The following MSI2 variants were observed in gnomAD, a reference collection of about 807,000 sequenced individuals.
MSI2 encodes the protein musashi RNA binding protein 2, also known as RNA-binding protein Musashi homolog 2.
MSI2 carries 17 observed loss-of-function variants against 45.6 expected under a neutral mutation model. The ratio of observed to expected loss-of-function variants is 0.37; its 90% CI spans 0.26 to 0.56. MSI2 has a LOEUF of 0.56. MSI2 is among the 20% of genes least tolerant of loss of function. The pLI is 0.77. For missense variants in MSI2, 293 were observed against 444.2 expected, an observed-to-expected ratio of 0.66 and a Z score of 3.06; for synonymous variants, 156 against 158.2, an observed-to-expected ratio of 0.99 and a Z score of 0.11.
chr17:57,366,003 C>G (rs1917161304), intron 5 of MSI2, among the ~76,000 whole-genome samples: 1 of 152,114 alleles, frequency 6.6e-6, no homozygotes. Context: ...ACTTCTGCCT[C>G]CCCCGGATCA....
rs553191710 is a variant in MSI2, at chr17:57,287,488, A to G, written c.312+25296A>G. Among the ~76,000 whole-genome samples, 720 of 152,296 alleles carry G rather than the reference A, an allele frequency of 4.7e-3. 4 individuals are homozygous for G. The highest frequency in any genetic ancestry group is 0.017 in the African/African-American group (690 of 41,562). On this transcript the variant is annotated intron_variant, in intron 5 of 13. Transcript: ENST00000284073. ...GGCTTACCATCCTAACTTGTTGCTC[A>G]GTCGCGGAGTCTTGCATGTTGACTC... is the stretch of plus-strand genomic sequence containing the variant.
At chr17:57,454,982 G>A (rs762025716) in intron 6 of MSI2, among the ~76,000 whole-genome samples, 1 of 152,164 alleles carries the variant, frequency 6.6e-6, no homozygotes, top group East Asian at 1.9e-4. Flanking sequence ...GACCTGGCTG[G>A]AACCCTATTC....
chr17:57,645,461 A>C (rs1910586691), intron 10 of MSI2, among the ~76,000 whole-genome samples: 1 of 150,932 alleles, frequency 6.6e-6, no homozygotes, highest in Non-Finnish European at 1.5e-5. Context: ...TTTGAGACAG[A>C]ATCTGGCTCT....
chr17:57,396,644 A>G (rs2083895974), intron 5 of MSI2, among the ~76,000 whole-genome samples: 1 of 152,190 alleles, frequency 6.6e-6, no homozygotes, highest in Non-Finnish European at 1.5e-5. Context: ...CAATTTTCCA[A>G]ACGGGAATGG....
At chr17:57,570,036 T>A (rs1327745602) in intron 7 of MSI2, among the ~76,000 whole-genome samples, 2 of 151,928 alleles carry the variant, frequency 1.3e-5, no homozygotes, top group Non-Finnish European at 2.9e-5. Flanking sequence ...CAAAGCAAAC[T>A]GAAAGGAAAT....
chr17:57,414,427 T>A (rs1038522039), intron 6 of MSI2, among the ~76,000 whole-genome samples: 9 of 152,020 alleles, frequency 5.9e-5, no homozygotes, highest in African/African-American at 2.2e-4. Context: ...TTCACTCTTG[T>A]TGCCCAAGCT....
intron 11 of MSI2, among the ~76,000 whole-genome samples, chr17:57,653,936 ATT>A (rs35452889): frequency 7.5e-6 from 1 of 133,720 alleles, no homozygotes. Context: ...CCAGTCACAC[ATT>A]TTTTTTTTTT....
chr17:57,627,453 C>G lies in MSI2; in HGVS notation c.727+150C>G. The G allele has an allele frequency of 1.4e-6, 1 of 722,248 alleles. No homozygotes were observed. Among genetic ancestry groups the G allele is most frequent in the East Asian group, 2.6e-5 (1 of 38,440 alleles). 44.7% of individuals were successfully genotyped at this position (722,248 alleles called of 1,614,324 possible). A position where few individuals can be genotyped will look rare whatever the true frequency, so the allele number is the denominator to read the frequency against. On this transcript the variant is annotated intron_variant, in intron 10 of 13. Coordinates refer to ENST00000284073, the MANE Select transcript of MSI2 (RefSeq NM_138962.4). The surrounding 1 kb of genome is among the most constrained non-coding windows in gnomAD (Gnocchi z 4.6). ...GATAAATTTCAAATCCACTGAAGTT[C>G]AAGGCCAGGATGCAGCTCAGAGTTT...
intron 8 of MSI2, among the ~76,000 whole-genome samples, chr17:57,604,874 A>AC (rs11391034): frequency 0.38 from 57,238 of 148,818 alleles, 11,979 homozygotes; most frequent in East Asian, 0.65. Context: ...TGATTGGCTC[A>AC]CCCCCCCACT....
rs145055686 is a variant in MSI2, at chr17:57,346,794, A to G, written c.313-54585A>G. ...GCTAATTTTTCTATTTTTTGTAGCG[A>G]TGGGGTTTTGCCATGTTGTCCAGGC... On this transcript the variant is annotated intron_variant, in intron 5 of 13. Transcript: ENST00000284073. 1.5e-4 allele frequency among the ~76,000 whole-genome samples: 23 copies of G among 152,116 alleles called. 1 individual carries two copies. The highest frequency in any genetic ancestry group is 5.5e-4 in the African/African-American group (23 of 41,498).
chr17:57,373,925 A>G lies in MSI2; in HGVS notation c.313-27454A>G, dbSNP rs548311768. ...ACCTAGCTGCAAGGGAACCTGGAATATTACTCCTTAATTTTCCAGATCCTG... is the reference window on the plus strand; with the variant it reads ...ACCTAGCTGCAAGGGAACCTGGAATGTTACTCCTTAATTTTCCAGATCCTG... On this transcript the variant is annotated intron_variant, in intron 5 of 13. Transcript: ENST00000284073. Among the ~76,000 whole-genome samples, 11 of 152,310 alleles carry G rather than the reference A, an allele frequency of 7.2e-5. No individual in the cohort carries two copies. In the South Asian group the frequency reaches 2.3e-3, roughly 32 times the overall value.
chr17:57,571,710 A>T (rs1404945930), intron 7 of MSI2, among the ~76,000 whole-genome samples: 1 of 152,264 alleles, frequency 6.6e-6, no homozygotes, highest in Admixed American at 6.5e-5. Context: ...TTGGAAAGAC[A>T]GTGGGAAAGT....
chr17:57,625,745 A>G (rs1259931662), intron 9 of MSI2: 1 of 152,272 alleles, frequency 6.6e-6, no homozygotes, highest in African/African-American at 2.4e-5. Flanking sequence ...GTAAGCAGCA[A>G]AGGAGATTAT....
intron 6 of MSI2, among the ~76,000 whole-genome samples, chr17:57,511,704 C>G (rs2086360116): frequency 6.6e-6 from 1 of 152,200 alleles, no homozygotes; most frequent in African/African-American, 2.4e-5. Context: ...TCAGTTGGCA[C>G]TGTTGGATGT....
Position 57,627,814 on chromosome 17 carries a change from G to A in MSI2, c.727+511G>A. The stretch of plus-strand genomic sequence containing the variant: ...GCTGTGTTGATGTTGAGCTGCTAGG[G>A]GTTGGGACTGCTGTCCATCCTGGGT... On this transcript the variant is annotated intron_variant, in intron 10 of 13. Transcript: ENST00000284073. This position sits in a 1 kb window ranked among gnomAD's most constrained non-coding sequence, Gnocchi z 4.6. 1 of 162,230 alleles carries A rather than the reference G, an allele frequency of 6.2e-6. No individual in the cohort carries two copies. The highest frequency in any genetic ancestry group is 1.3e-5 in the Non-Finnish European group (1 of 74,168). The allele number at this position is 162,230 out of a possible 1,614,324, so 10.0% of individuals were successfully genotyped here.
intron 6 of MSI2, among the ~76,000 whole-genome samples, chr17:57,497,179 G>C (rs1193451917): frequency 1.3e-5 from 2 of 152,164 alleles, no homozygotes; most frequent in African/African-American, 4.8e-5. Flanking sequence ...GTTTCACCAT[G>C]TTGGCCAGGC....
At chr17:57,694,837 T>A in the MSI2 span, among the ~76,000 whole-genome samples, 1,650 of 152,322 alleles carry the variant, frequency 0.011, 33 homozygotes, top group African/African-American at 0.037. Context: ...GTTGCTTAAC[T>A]CACCCCTGGT....
At chr17:57,597,964 TG>T (rs35246191) in intron 8 of MSI2, among the ~76,000 whole-genome samples, 10,274 of 152,240 alleles carry the variant, frequency 0.067, 574 homozygotes, top group East Asian at 0.16. Flanking sequence ...GTTGGATTAC[TG>T]GAAGTTTGGG....
chr17:57,532,587 C>T (rs965333922), intron 7 of MSI2, among the ~76,000 whole-genome samples: 3 of 152,180 alleles, frequency 2.0e-5, no homozygotes, highest in South Asian at 2.1e-4. Flanking sequence ...ATATATGGAG[C>T]GAGCCGGCCC....
Sources: gnomAD v4.1 joint callset for allele counts (sites outside exome capture counted in the v4.1 genomes callset) on GRCh38, gnomAD v4.1.1 for gene constraint, Gnocchi (gnomAD v3.1) non-coding constraint, MANE v1.5 for transcripts, NCBI Gene and HGNC (gene_info 2026-07-23, HGNC 2026-07-21) for gene names.